CTNNBL1: variants seen among roughly 807,000 people sequenced by gnomAD.
The protein encoded by CTNNBL1 is catenin beta like 1, also known as beta-catenin-like protein 1.
A neutral mutation model predicts 72.7 loss-of-function variants in CTNNBL1; 31 were observed. The ratio of observed to expected loss-of-function variants is 0.43; its 90% CI spans 0.32 to 0.58. The LOEUF (loss-of-function observed/expected upper bound fraction) is 0.58, where lower values mean the gene tolerates loss of function less well. Among genes scored for constraint, CTNNBL1 ranks in the 20% least tolerant of loss-of-function variants. The pLI, the probability that CTNNBL1 is intolerant of heterozygous loss-of-function variation, is 0.08. For missense variants in CTNNBL1, 534 were observed against 725.1 expected (o/e 0.74, Z 3.03); for synonymous variants, 240 against 267.3 (o/e 0.90, Z 1.00).
intron 10 of CTNNBL1, among the ~76,000 whole-genome samples, chr20:37,801,875 TAAG>T (rs1383773316): frequency 6.6e-6 from 1 of 152,190 alleles, no homozygotes; most frequent in Non-Finnish European, 1.5e-5. Context: ...TAAAATGAAA[TAAG>T]AAGCATCTAT....
chr20:37,871,025 C>T (rs776817243), intron 15 of CTNNBL1, among the ~76,000 whole-genome samples: 19 of 152,192 alleles, frequency 1.2e-4, no homozygotes, highest in Non-Finnish European at 2.6e-4. Flanking sequence ...AGGCTCCACA[C>T]AAGCAGAAAT....
intron 7 of CTNNBL1, among the ~76,000 whole-genome samples, chr20:37,768,643 T>G (rs1045243104): frequency 6.6e-6 from 1 of 152,232 alleles, no homozygotes; most frequent in Non-Finnish European, 1.5e-5. Context: ...AACAGGTAAA[T>G]ATAGTACTAA....
At chr20:37,823,908 C>T (rs2072133572) in intron 11 of CTNNBL1, among the ~76,000 whole-genome samples, 1 of 152,172 alleles carries the variant, frequency 6.6e-6, no homozygotes, top group Non-Finnish European at 1.5e-5. Flanking sequence ...AGTGAGAAGA[C>T]AGTGAGCAAA....
At chr20:37,804,312 C>T (rs942462000) in intron 11 of CTNNBL1, among the ~76,000 whole-genome samples, 3 of 152,148 alleles carry the variant, frequency 2.0e-5, no homozygotes, top group African/African-American at 7.2e-5. Context: ...TTCAGACAGT[C>T]AACATTTAGT....
At chr20:37,870,582 G>T (rs547061763) in intron 15 of CTNNBL1, among the ~76,000 whole-genome samples, 1 of 152,224 alleles carries the variant, frequency 6.6e-6, no homozygotes, top group African/African-American at 2.4e-5. Context: ...AGCTGAAGAC[G>T]TCGCCTCACC....
intron 4 of CTNNBL1, chr20:37,756,483 T>TGA (rs148004548): frequency 1.0e-4 from 15 of 149,798 alleles, no homozygotes; most frequent in East Asian, 1.9e-4. Flanking sequence ...TGTGTGTGTG[T>TGA]GAGAGAGAGA....
At chr20:37,768,934 A>C (rs2073497538) in intron 7 of CTNNBL1, among the ~76,000 whole-genome samples, 2 of 151,968 alleles carry the variant, frequency 1.3e-5, no homozygotes, top group Admixed American at 1.3e-4. Flanking sequence ...GTGCGCCACC[A>C]CGCCTGGCTA....
intron 10 of CTNNBL1, among the ~76,000 whole-genome samples, chr20:37,782,264 A>G (rs1272987737): frequency 6.6e-6 from 1 of 152,172 alleles, no homozygotes; most frequent in Admixed American, 6.5e-5. Context: ...TCAGGAGAAC[A>G]GTTACTTTTG....
chr20:37,756,337 T>A (rs970039423), intron 4 of CTNNBL1: 4 of 152,206 alleles, frequency 2.6e-5, no homozygotes, highest in African/African-American at 9.7e-5. Flanking sequence ...GCCTTTATCA[T>A]GTTCAGTACT....
intron 4 of CTNNBL1, among the ~76,000 whole-genome samples, chr20:37,755,237 T>C (rs1256547021): frequency 1.3e-5 from 2 of 152,228 alleles, no homozygotes; most frequent in South Asian, 2.1e-4. Flanking sequence ...AAATGGCGGC[T>C]ATTATTATGA....
chr20:37,756,787 G>A (rs775686334), intron 4 of CTNNBL1, among the ~76,000 whole-genome samples: 4 of 151,022 alleles, frequency 2.6e-5, no homozygotes, highest in Non-Finnish European at 5.9e-5. Context: ...ACAGGCATGT[G>A]CCACCATGCC....
At chr20:37,837,805 C>G (rs1438679451) in intron 11 of CTNNBL1, among the ~76,000 whole-genome samples, 1 of 152,200 alleles carries the variant, frequency 6.6e-6, no homozygotes, top group Non-Finnish European at 1.5e-5. Flanking sequence ...CCCAAAACAC[C>G]TACCATGTGC....
chr20:37,696,020 C>T (rs561558479), intron 1 of CTNNBL1, among the ~76,000 whole-genome samples: 1 of 152,120 alleles, frequency 6.6e-6, no homozygotes, highest in South Asian at 2.1e-4. Context: ...GGGAAATAGG[C>T]AAGTTATTAA....
chr20:37,701,095 G>A (rs989943058), intron 1 of CTNNBL1, among the ~76,000 whole-genome samples: 2 of 152,144 alleles, frequency 1.3e-5, no homozygotes, highest in Non-Finnish European at 2.9e-5. Context: ...CAGTCCTTAC[G>A]TATTTTGTGA....
chr20:37,807,324 T>G (rs1337462154), intron 11 of CTNNBL1, among the ~76,000 whole-genome samples: 1 of 152,184 alleles, frequency 6.6e-6, no homozygotes, highest in East Asian at 1.9e-4. Context: ...TGTCTCCACC[T>G]CTGCCCACCC....
intron 1 of CTNNBL1, among the ~76,000 whole-genome samples, chr20:37,716,949 C>A (rs769196398): frequency 2.0e-5 from 3 of 152,136 alleles, no homozygotes; most frequent in Admixed American, 6.5e-5. Flanking sequence ...GGTCCTAAGC[C>A]TTCTGAGACC....
intron 2 of CTNNBL1, among the ~76,000 whole-genome samples, chr20:37,736,235 T>C (rs1369287736): frequency 6.6e-6 from 1 of 152,110 alleles, no homozygotes; most frequent in Non-Finnish European, 1.5e-5. Flanking sequence ...ATATAAGAAA[T>C]GCTAAGCAGT....
intron 10 of CTNNBL1, among the ~76,000 whole-genome samples, chr20:37,793,972 G>A (rs1395943050): frequency 2.0e-5 from 3 of 151,954 alleles, no homozygotes; most frequent in Non-Finnish European, 4.4e-5. Flanking sequence ...GTAGAGACGG[G>A]GTTTCACCAT....
At chr20:37,721,917 G>T (rs1173834741) in intron 1 of CTNNBL1, among the ~76,000 whole-genome samples, 1 of 152,172 alleles carries the variant, frequency 6.6e-6, no homozygotes, top group Non-Finnish European at 1.5e-5. Context: ...GTGGTATCAG[G>T]CCTCACCAGT....
Sources: allele counts gnomAD v4.1 joint callset (sites outside exome capture counted in the v4.1 genomes callset), GRCh38; gene constraint gnomAD v4.1.1; transcripts MANE v1.5; gene names NCBI Gene and HGNC (gene_info 2026-07-23, HGNC 2026-07-21).